ASTN2: variants seen among roughly 807,000 people sequenced by gnomAD.
The protein encoded by ASTN2 is astrotactin 2.
ASTN2 carries 54 observed loss-of-function variants against 139.8 expected under a neutral mutation model. The observed-to-expected ratio is 0.39, with a 90% confidence interval of 0.31 to 0.48. The LOEUF (loss-of-function observed/expected upper bound fraction) is 0.48. ASTN2 is among the 20% of genes least tolerant of loss of function. The pLI, the probability that ASTN2 is intolerant of heterozygous loss-of-function variation, is 0.95. For missense variants in ASTN2, 1,565 were observed against 1,725.1 expected (o/e 0.91, Z 1.64); for synonymous variants, 756 against 719.5 (o/e 1.05, Z -0.81).
chr9:117,138,219 C>T (rs981153449), intron 4 of ASTN2, among the ~76,000 whole-genome samples: 19 of 151,872 alleles, frequency 1.3e-4, no homozygotes, highest in African/African-American at 3.9e-4. Context: ...AGGAGGGTGA[C>T]GTAAGAGATA....
At chr9:117,325,498 A>AC (rs1044228490) in intron 1 of ASTN2, among the ~76,000 whole-genome samples, 1 of 144,510 alleles carries the variant, frequency 6.9e-6, no homozygotes, top group Non-Finnish European at 1.5e-5. Context: ...TGGGCTTGAA[A>AC]CCCCCCTCTC....
chr9:116,513,229 ATAAAGGATTTTATTTCTCCTTCACT>A (rs1175274615), intron 19 of ASTN2, among the ~76,000 whole-genome samples: 1 of 152,092 alleles, frequency 6.6e-6, no homozygotes, highest in Non-Finnish European at 1.5e-5. Context: ...TTGCTTGTCT[ATAAAGGATTTTATTTCTCCTTCACT>A]TATGAAGCTT....
chr9:117,149,376 G>A (rs1396218505), intron 3 of ASTN2, among the ~76,000 whole-genome samples: 1 of 152,048 alleles, frequency 6.6e-6, no homozygotes, highest in East Asian at 1.9e-4. Context: ...GAAATAGAAG[G>A]ATAGAGAATA....
intron 12 of ASTN2, 129 bp downstream of exon 12, chr9:116,820,488 G>A (rs1180746579): frequency 2.4e-6 from 3 of 1,244,906 alleles, no homozygotes; most frequent in African/African-American, 3.0e-5. Context: ...GACTAAAACA[G>A]GAAAGGCAGA....
At chr9:116,456,896 C>T (rs1259125208) in intron 20 of ASTN2, among the ~76,000 whole-genome samples, 1 of 152,136 alleles carries the variant, frequency 6.6e-6, no homozygotes, top group Non-Finnish European at 1.5e-5. Context: ...ATAGCCAAAG[C>T]TATCCTGAGC....
chr9:117,348,090 T>C (rs576054568), intron 1 of ASTN2, among the ~76,000 whole-genome samples: 2 of 152,170 alleles, frequency 1.3e-5, no homozygotes, highest in Non-Finnish European at 1.5e-5. Flanking sequence ...GAGAGAAGCA[T>C]AATCCATTTA....
intron 5 of ASTN2, among the ~76,000 whole-genome samples, chr9:117,052,531 C>T (rs1037303459): frequency 2.6e-5 from 4 of 151,966 alleles, no homozygotes; most frequent in Admixed American, 2.6e-4. Context: ...TCATCGTCAT[C>T]ATCATCAACA....
chr9:116,535,938 T>C (rs989294010), intron 19 of ASTN2, among the ~76,000 whole-genome samples: 11 of 152,200 alleles, frequency 7.2e-5, no homozygotes, highest in African/African-American at 2.4e-4. Context: ...CTGGATAACA[T>C]CCTGCAGAGT....
intron 5 of ASTN2, among the ~76,000 whole-genome samples, chr9:117,090,233 C>T (rs532731563): frequency 7.1e-4 from 108 of 152,338 alleles, no homozygotes; most frequent in African/African-American, 2.5e-3. Flanking sequence ...GGAAGGCCTG[C>T]AAAGCTGAAA....
At chr9:117,264,235 A>G (rs1306323220) in intron 2 of ASTN2, among the ~76,000 whole-genome samples, 1 of 152,086 alleles carries the variant, frequency 6.6e-6, no homozygotes, top group African/African-American at 2.4e-5. Flanking sequence ...CCCCATTCGT[A>G]AAAATTATGT....
intron 1 of ASTN2, among the ~76,000 whole-genome samples, chr9:117,319,853 C>T (rs997255303): frequency 6.6e-6 from 1 of 152,122 alleles, no homozygotes; most frequent in African/African-American, 2.4e-5. Flanking sequence ...CGGTAATTCC[C>T]AAAACCCATC....
intron 2 of ASTN2, among the ~76,000 whole-genome samples, chr9:117,266,555 G>C (rs1157032150): frequency 6.6e-6 from 1 of 152,152 alleles, no homozygotes. Context: ...CTCAGAAAAA[G>C]ACCAGCAAGG....
chr9:116,748,538 T>A (rs1829312609), intron 13 of ASTN2, among the ~76,000 whole-genome samples: 1 of 152,180 alleles, frequency 6.6e-6, no homozygotes. Flanking sequence ...TATTTTCTAA[T>A]CTTAGGAATC....
rs1189883783 is a variant in ASTN2, at chr9:116,487,399, A to G, written c.3457T>C (p.Ser1153Pro). Residue 1153 changes from serine to proline, a missense_variant, in exon 20 of 23, where the codon TCA (serine) becomes CCA (proline). By Grantham distance (74) the Ser-to-Pro change is moderately conservative. Coordinates refer to ENST00000313400, the MANE Select transcript of ASTN2 (RefSeq NM_001365068.1). ...GGCTCCAGACACTTGAAGATGACTG[A>G]GTAGATACTGACTTCAGGGACCTCT... ...HGEVPEVSIY[S>P]VIFKCLEPDG... 6.2e-7 allele frequency: 1 copy of G among 1,614,080 alleles called. No individual in the cohort carries two copies. Among genetic ancestry groups the G allele is most frequent in the Non-Finnish European group, 8.5e-7 (1 of 1,179,982 alleles).
At chr9:116,651,363 TGTAA>T (rs1258176469) in intron 17 of ASTN2, among the ~76,000 whole-genome samples, 161 bp downstream of exon 17, 3 of 152,166 alleles carry the variant, frequency 2.0e-5, no homozygotes, top group African/African-American at 7.2e-5. Context: ...TGTCAAACTA[TGTAA>T]GTATTTAGAA....
chr9:117,172,192 C>T (rs187194796), intron 3 of ASTN2, among the ~76,000 whole-genome samples: 18 of 152,224 alleles, frequency 1.2e-4, no homozygotes, highest in Admixed American at 3.3e-4. Flanking sequence ...GGCTGCCCAG[C>T]AGAACTTTCT....
At chr9:117,283,816 T>G (rs548435146) in intron 2 of ASTN2, among the ~76,000 whole-genome samples, 4 of 152,328 alleles carry the variant, frequency 2.6e-5, no homozygotes, top group African/African-American at 9.6e-5. Flanking sequence ...TGACCTTCAA[T>G]GATATTACTT....
At chr9:117,193,388 C>T (rs561314336) in intron 3 of ASTN2, among the ~76,000 whole-genome samples, 2 of 152,068 alleles carry the variant, frequency 1.3e-5, no homozygotes, top group South Asian at 4.2e-4. Flanking sequence ...GCCTGTAATC[C>T]CAGCACTCTG....
chr9:117,196,270 C>A (rs1831499057), intron 3 of ASTN2, among the ~76,000 whole-genome samples: 1 of 152,150 alleles, frequency 6.6e-6, no homozygotes, highest in Non-Finnish European at 1.5e-5. Flanking sequence ...ATAAATGACA[C>A]AATTCATGGC....
Sources: gnomAD v4.1 joint callset for allele counts (sites outside exome capture counted in the v4.1 genomes callset) on GRCh38, gnomAD v4.1.1 for gene constraint, MANE v1.5 for transcripts, NCBI Gene and HGNC (gene_info 2026-07-23, HGNC 2026-07-21) for gene names.